The following PIK3CD variants were observed in gnomAD, a reference collection of about 807,000 sequenced individuals.
The protein encoded by PIK3CD is phosphatidylinositol-4,5-bisphosphate 3-kinase catalytic subunit delta.
Under a neutral mutation model 122.9 loss-of-function variants are expected in PIK3CD, and 20 were observed. The ratio of observed to expected loss-of-function variants is 0.16; its 90% CI spans 0.11 to 0.24. The LOEUF is 0.24. Ranked by LOEUF, PIK3CD falls within the 10% of genes least tolerant of loss-of-function variation. The pLI is 1.00. For synonymous variants in PIK3CD, 596 were observed against 593.4 expected (o/e 1.00, Z -0.06); for missense variants, 787 against 1,406.3 (o/e 0.56, Z 7.04).
intron 1 of PIK3CD, among the ~76,000 whole-genome samples, chr1:9,681,648 C>T (rs537277013): frequency 6.6e-6 from 1 of 152,148 alleles, no homozygotes; most frequent in African/African-American, 2.4e-5. Context: ...GCAATCTGCT[C>T]GCCTCCCCGC....
the PIK3CD span, among the ~76,000 whole-genome samples, chr1:9,630,852 C>T: frequency 2.0e-5 from 3 of 152,032 alleles, no homozygotes; most frequent in Non-Finnish European, 4.4e-5. Flanking sequence ...CTACAAGTCC[C>T]GGCTCCTGGC....
chr1:9,687,642 G>C (rs944366245), intron 1 of PIK3CD: 3 of 152,184 alleles, frequency 2.0e-5, no homozygotes, highest in East Asian at 1.9e-4. Context: ...CCTCTCCCGG[G>C]ATCTGTGAAA....
In PIK3CD at chr1:9,689,726, G is replaced by A. The variant is rs1465272353; in HGVS notation, c.-137-1741G>A. ...CGCCCCCGGCAGCGACACCCGGTAC[G>A]GAGCCCACCTGTGCGGGCGTCTGCG... On this transcript the variant is annotated intron_variant, in intron 1 of 23. Transcript: ENST00000377346. The surrounding 1 kb of genome is among the most constrained non-coding windows in gnomAD (Gnocchi z 6.1). Among the ~76,000 whole-genome samples, 3 of 151,322 alleles carry A rather than the reference G, an allele frequency of 2.0e-5. No individual in the cohort carries two copies. Among genetic ancestry groups the A allele is most frequent in the Admixed American group, 6.6e-5 (1 of 15,222 alleles).
At chr1:9,714,466 C>G (rs934285642) in intron 3 of PIK3CD, among the ~76,000 whole-genome samples, 6 of 152,070 alleles carry the variant, frequency 3.9e-5, no homozygotes. Context: ...GTTTGCTCAC[C>G]CCTGGTCTAT....
At chr1:9,671,756 T>C (rs1054158076) in intron 1 of PIK3CD, among the ~76,000 whole-genome samples, 5 of 152,170 alleles carry the variant, frequency 3.3e-5, no homozygotes, top group African/African-American at 1.2e-4. Flanking sequence ...TTGTCAGCGT[T>C]TTCTAGCCTT....
Position 9,718,664 on chromosome 1 carries a change from C to T in PIK3CD, c.1021-30C>T, listed in dbSNP as rs1304378141. The stretch of plus-strand genomic sequence containing the variant: ...GGGGAGAGGGGCTGGGCCTCTGCCT[C>T]CTCACCCATCATCCCGGCACCTTCT... On this transcript the variant is annotated intron_variant, in intron 8 of 23. Coordinates refer to ENST00000377346, the MANE Select transcript of PIK3CD (RefSeq NM_005026.5). This position sits in a 1 kb window ranked among gnomAD's most constrained non-coding sequence, Gnocchi z 7.2. 6.3e-7 allele frequency: 1 copy of T among 1,592,146 alleles called. No homozygotes were observed. The highest frequency in any genetic ancestry group is 2.2e-5 in the East Asian group (1 of 44,826).
At chr1:9,647,162 C>T (rs966818220), upstream of PIK3CD, among the ~76,000 whole-genome samples, 2 of 151,128 alleles carry the variant, frequency 1.3e-5, no homozygotes, top group Non-Finnish European at 2.9e-5. Context: ...AGCTGTAATC[C>T]CAACACTTTG....
intron 1 of PIK3CD, among the ~76,000 whole-genome samples, chr1:9,656,180 A>C (rs1320263785): frequency 6.6e-6 from 1 of 152,148 alleles, no homozygotes; most frequent in Non-Finnish European, 1.5e-5. Context: ...AGAAAGGGAT[A>C]GACCTATTTG....
chr1:9,701,350 C>G (rs969239235), intron 2 of PIK3CD, among the ~76,000 whole-genome samples: 1 of 152,146 alleles, frequency 6.6e-6, no homozygotes, highest in African/African-American at 2.4e-5. Context: ...ATAAATGAAT[C>G]TACCTCGGAC....
At chr1:9,690,918 T>C (rs1422827349) in intron 1 of PIK3CD, among the ~76,000 whole-genome samples, 1 of 152,172 alleles carries the variant, frequency 6.6e-6, no homozygotes, top group Non-Finnish European at 1.5e-5. Context: ...TTTGGGGTTC[T>C]GTTATTTCCT....
chr1:9,629,766 G>C, the PIK3CD span, among the ~76,000 whole-genome samples: 1 of 152,062 alleles, frequency 6.6e-6, no homozygotes, highest in African/African-American at 2.4e-5. Context: ...CTCGCCCTAA[G>C]GCTCCCCCAC....
At position 9,704,987 on chromosome 1, in the gene PIK3CD, C is replaced by T. The variant is rs1646775155; in HGVS notation, c.-32-5437C>T. ...AGCTGGGGTCCAGCTGACGGTGAGG[C>T]CTGGGCCCAGCCGGCGCTGCCACCC... On this transcript the variant is annotated intron_variant, in intron 2 of 23. Transcript: ENST00000377346. This position sits in a 1 kb window ranked among gnomAD's most constrained non-coding sequence, Gnocchi z 5.0. Among the ~76,000 whole-genome samples the T allele has an allele frequency of 6.6e-6, 1 of 152,084 alleles. No individual in the cohort carries two copies. The highest frequency in any genetic ancestry group is 6.5e-5 in the Admixed American group (1 of 15,268).
At chr1:9,683,948 TCA>T (rs1394946193) in intron 1 of PIK3CD, among the ~76,000 whole-genome samples, 2 of 152,140 alleles carry the variant, frequency 1.3e-5, no homozygotes, top group Non-Finnish European at 2.9e-5. Flanking sequence ...TTGAGTGCCT[TCA>T]CATGGTTTCT....
At chr1:9,671,050 G>A (rs1481146529) in intron 1 of PIK3CD, among the ~76,000 whole-genome samples, 3 of 151,744 alleles carry the variant, frequency 2.0e-5, no homozygotes, top group African/African-American at 7.3e-5. Flanking sequence ...GAGCCACCGC[G>A]TCTGGCCTAA....
At chr1:9,693,400 G>T (rs961487244) in intron 2 of PIK3CD, among the ~76,000 whole-genome samples, 148 of 146,558 alleles carry the variant, frequency 1.0e-3, no homozygotes, top group Non-Finnish European at 1.5e-3. Context: ...AATTTTTGTG[G>T]TTTTTTTTTT....
chr1:9,708,815 G>T (rs1646941853), intron 2 of PIK3CD, among the ~76,000 whole-genome samples: 1 of 152,030 alleles, frequency 6.6e-6, no homozygotes, highest in Admixed American at 6.6e-5. Flanking sequence ...CTGGGCTACA[G>T]AGTAAGACTC....
At chr1:9,654,276 G>A (rs747596230) in intron 1 of PIK3CD, 3 of 1,367,702 alleles carry the variant, frequency 2.2e-6, no homozygotes, top group Admixed American at 3.8e-5. Flanking sequence ...CAGGAAAAGC[G>A]CGTTTCTGCG....
intron 2 of PIK3CD, among the ~76,000 whole-genome samples, chr1:9,692,813 A>C (rs1431370406): frequency 6.6e-6 from 1 of 152,164 alleles, no homozygotes. Flanking sequence ...CTGTAAGAGA[A>C]ACTAGCCCAG....
intron 13 of PIK3CD, 49 bp from the exon 14 acceptor site, chr1:9,721,078 C>T (rs1159280983): frequency 2.6e-6 from 4 of 1,530,774 alleles, no homozygotes; most frequent in Non-Finnish European, 2.7e-6. Context: ...CCCTGACCAC[C>T]TCCACCCTGA....
Sources: allele counts gnomAD v4.1 joint callset (sites outside exome capture counted in the v4.1 genomes callset), GRCh38; gene constraint gnomAD v4.1.1; non-coding constraint Gnocchi (gnomAD v3.1); transcripts MANE v1.5; gene names NCBI Gene and HGNC (gene_info 2026-07-23, HGNC 2026-07-21).